Variants in INSYN2B observed in about 807,000 individuals in gnomAD.
INSYN2B encodes the protein protein INSYN2B.
Under a neutral mutation model 41.2 loss-of-function variants are expected in INSYN2B, and 16 were observed. The observed-to-expected ratio is 0.39, with a 90% confidence interval of 0.26 to 0.59. The LOEUF is 0.59. INSYN2B is among the 20% of genes least tolerant of loss of function. The probability of loss-of-function intolerance (pLI) is 0.57; values close to 1 mark genes in which losing one functional copy is unlikely to be tolerated. For missense variants in INSYN2B, 608 were observed against 646.4 expected (o/e 0.94, Z 0.64); for synonymous variants, 245 against 244.4 (o/e 1.00, Z -0.02).
chr5:169,943,553 C>A (rs1238373909), intron 1 of INSYN2B, among the ~76,000 whole-genome samples: 1 of 152,190 alleles, frequency 6.6e-6, no homozygotes, highest in East Asian at 1.9e-4. Flanking sequence ...TGGAGAGTTG[C>A]CGTTTTCACA....
chr5:169,916,992 G>A (rs1032057218), intron 1 of INSYN2B, among the ~76,000 whole-genome samples: 2 of 152,134 alleles, frequency 1.3e-5, no homozygotes, highest in East Asian at 1.9e-4. Flanking sequence ...GACTGAATTC[G>A]TTCATTGCAA....
At position 169,883,303 on chromosome 5, in the gene INSYN2B, G is replaced by A. The variant is rs1772776206; in HGVS notation, c.596C>T (p.Thr199Ile). Reference protein sequence around the residue: ...AGTWRSLEKATAAIQVPDDIY... With the variant: ...AGTWRSLEKAIAAIQVPDDIY... The stretch of plus-strand genomic sequence containing the variant: ...ATCATCTGGAACCTGAATGGCAGCT[G>A]TGGCTTTCTCTAAGGACCTCCAAGT... Residue 199 changes from threonine to isoleucine, a missense_variant, in exon 2 of 4, where the codon ACA becomes ATA. Thr to Ile is a moderately conservative substitution (Grantham distance 89). Transcript: ENST00000377365. 1 of 1,551,498 alleles carries A rather than the reference G, an allele frequency of 6.4e-7. No homozygotes were observed. Among genetic ancestry groups the A allele is most frequent in the Admixed American group, 2.0e-5 (1 of 50,986 alleles).
At chr5:169,934,752 C>G (rs756382432) in intron 1 of INSYN2B, 2 of 455,710 alleles carry the variant, frequency 4.4e-6, no homozygotes, top group Non-Finnish European at 8.8e-6. Flanking sequence ...GGGATCAGTG[C>G]TCAGTAAATG....
At chr5:169,943,358 A>G (rs1378960303) in intron 1 of INSYN2B, among the ~76,000 whole-genome samples, 2 of 152,154 alleles carry the variant, frequency 1.3e-5, no homozygotes, top group Non-Finnish European at 2.9e-5. Flanking sequence ...GTGGACAGGC[A>G]ATACTTAGGT....
chr5:169,870,322 GTAA>G (rs1319762376), intron 3 of INSYN2B, among the ~76,000 whole-genome samples: 2 of 152,134 alleles, frequency 1.3e-5, no homozygotes, highest in Non-Finnish European at 2.9e-5. Flanking sequence ...GTTTTTCTAG[GTAA>G]TTGGAAGCAG....
chr5:169,868,823 G>A (rs967929476), intron 3 of INSYN2B, among the ~76,000 whole-genome samples: 1 of 152,130 alleles, frequency 6.6e-6, no homozygotes, highest in African/African-American at 2.4e-5. Context: ...TGCAGGCCTG[G>A]GTAGAAAAGA....
chr5:169,919,723 TTC>T (rs1392514942), intron 1 of INSYN2B, among the ~76,000 whole-genome samples: 1 of 152,200 alleles, frequency 6.6e-6, no homozygotes, highest in Non-Finnish European at 1.5e-5. Context: ...CCCCTGGCGA[TTC>T]TCTGAGTCCC....
chr5:169,916,649 T>C (rs1158555739), intron 1 of INSYN2B, among the ~76,000 whole-genome samples: 1 of 150,460 alleles, frequency 6.6e-6, no homozygotes, highest in African/African-American at 2.5e-5. Context: ...ACATAGTAGG[T>C]ATTAGGTTAG....
At chr5:169,959,659 T>A (rs764612115) in intron 1 of INSYN2B, among the ~76,000 whole-genome samples, 39 of 152,286 alleles carry the variant, frequency 2.6e-4, no homozygotes, top group Non-Finnish European at 4.4e-4. Context: ...ACTAAAGGAC[T>A]TTAGGGAGTC....
rs527344873 is a variant in INSYN2B, at chr5:169,864,423, G to C, written c.1458C>G (p.Phe486Leu). The change falls in exon 4 of 4, where the codon TTC (phenylalanine) becomes TTG (leucine). Residue 486 changes from phenylalanine to leucine, a missense_variant. Phe to Leu is a conservative substitution (Grantham distance 22, BLOSUM62 0). Transcript: ENST00000377365. The part of the protein sequence containing the change: ...EYDFRQQEGR[F>L]HEVLQSLEEA... ...CCTCCAGACTCTGCAAAACTTCATG[G>C]AACCTGCCTTCCTGCTGCCGAAAAT... 1.1e-5 allele frequency: 17 copies of C among 1,549,196 alleles called. No homozygotes were observed. In the South Asian group the frequency reaches 2.0e-4, roughly 18 times the overall value.
At chr5:169,940,141 T>C (rs546129585) in intron 1 of INSYN2B, among the ~76,000 whole-genome samples, 1 of 152,296 alleles carries the variant, frequency 6.6e-6, no homozygotes, top group African/African-American at 2.4e-5. Flanking sequence ...AGCGCCTTCT[T>C]CCACAGTTTT....
intron 1 of INSYN2B, among the ~76,000 whole-genome samples, chr5:169,914,398 C>T (rs1007899136): frequency 2.0e-5 from 3 of 152,176 alleles, no homozygotes; most frequent in Non-Finnish European, 4.4e-5. Context: ...CTACTCTGAG[C>T]CAGGAACTGC....
In INSYN2B at chr5:169,864,162, G is replaced by A; in HGVS notation, c.*111C>T. ...GCTCTTCTGTTTCACAGGCCAAGGGGCTCACAGCCCAGGGCCTTTGCAAAG... is the reference window on the plus strand; with the variant it reads ...GCTCTTCTGTTTCACAGGCCAAGGGACTCACAGCCCAGGGCCTTTGCAAAG... On this transcript the variant is annotated 3_prime_UTR_variant, in exon 4 of 4. Coordinates refer to ENST00000377365, the MANE Select transcript of INSYN2B (RefSeq NM_001129891.3). The A allele has an allele frequency of 1.0e-6, 1 of 961,196 alleles. No individual in the cohort carries two copies. The highest frequency in any genetic ancestry group is 1.5e-5 in the South Asian group (1 of 64,804). 59.5% of individuals were successfully genotyped at this position (961,196 alleles called of 1,614,324 possible). A position where few individuals can be genotyped will look rare whatever the true frequency, so the allele number is the denominator to read the frequency against.
Position 169,946,563 on chromosome 5 carries a change from A to G in INSYN2B, c.-919+33714T>C, listed in dbSNP as rs965425628. 2.0e-5 allele frequency among the ~76,000 whole-genome samples: 3 copies of G among 149,168 alleles called. No homozygotes were observed. The Admixed American group carries it at 2.0e-4, about 10-fold the overall frequency. The stretch of plus-strand genomic sequence containing the variant: ...GGGGATCTGGCATAGTCACTCATCC[A>G]TTCATTCATTCATTCATTCATTCAC... On this transcript the variant is annotated intron_variant, in intron 1 of 3. Coordinates refer to ENST00000377365, the MANE Select transcript of INSYN2B (RefSeq NM_001129891.3).
At chr5:169,934,516 A>T (rs7732717) in intron 1 of INSYN2B, 7,512 of 399,760 alleles carry the variant, frequency 0.019, 435 homozygotes, top group African/African-American at 0.13. Context: ...GCTTATCAGC[A>T]CCCACATTTC....
intron 1 of INSYN2B, among the ~76,000 whole-genome samples, chr5:169,941,625 G>T (rs1485846369): frequency 6.6e-6 from 1 of 152,210 alleles, no homozygotes; most frequent in Non-Finnish European, 1.5e-5. Context: ...ATCTGGACTT[G>T]ATTAAACTAA....
rs571640639 is a variant in INSYN2B at position 169,884,206 on chromosome 5, C to T, written c.-308G>A. 4 of 221,876 alleles carry T rather than the reference C, an allele frequency of 1.8e-5. No individual in the cohort carries two copies. The highest frequency in any genetic ancestry group is 9.6e-5 in the East Asian group (1 of 10,454). 13.7% of individuals were successfully genotyped at this position (221,876 alleles called of 1,614,324 possible). ...CTGATCTACCAAGAGAGCTGGTAGG[C>T]GGTTTATCAAGGGAGGCTGGCACGC... On this transcript the variant is annotated 5_prime_UTR_variant, in exon 2 of 4. Transcript: ENST00000377365.
chr5:169,966,144 T>C (rs1329696684), intron 1 of INSYN2B, among the ~76,000 whole-genome samples: 3 of 152,214 alleles, frequency 2.0e-5, no homozygotes. Context: ...AGATGAAATA[T>C]ATAATCCCAT....
chr5:169,912,032 C>T (rs261008), intron 1 of INSYN2B, among the ~76,000 whole-genome samples: 46,150 of 152,058 alleles, frequency 0.3, 7,701 homozygotes, highest in East Asian at 0.51. Context: ...GGGCTAACTG[C>T]GTACCTATGC....
Sources: allele counts gnomAD v4.1 joint callset (sites outside exome capture counted in the v4.1 genomes callset), GRCh38; gene constraint gnomAD v4.1.1; transcripts MANE v1.5; gene names NCBI Gene and HGNC (gene_info 2026-07-23, HGNC 2026-07-21).